Variants in NELL2 observed in about 807,000 individuals in gnomAD.
The protein encoded by NELL2 is protein kinase C-binding protein NELL2.
Under a neutral mutation model 109.6 loss-of-function variants are expected in NELL2, and 41 were observed. That is an observed-to-expected ratio of 0.37 (90% CI 0.29 to 0.49). The LOEUF (loss-of-function observed/expected upper bound fraction) is 0.49, where lower values mean the gene tolerates loss of function less well. Ranked by LOEUF, NELL2 falls within the 20% of genes least tolerant of loss-of-function variation. NELL2 has a pLI of 0.98. For missense variants in NELL2, 900 were observed against 1,008.3 expected (o/e 0.89, Z 1.45); for synonymous variants, 355 against 344.7 (o/e 1.03, Z -0.33).
At chr12:44,822,848 A>G (rs952387665) in intron 2 of NELL2, among the ~76,000 whole-genome samples, 1 of 152,190 alleles carries the variant, frequency 6.6e-6, no homozygotes, top group Admixed American at 6.5e-5. Flanking sequence ...GAATGGAGTG[A>G]TGAGTTCATA....
At chr12:44,534,184 AT>A (rs1942203470) in intron 15 of NELL2, among the ~76,000 whole-genome samples, 3 of 152,100 alleles carry the variant, frequency 2.0e-5, no homozygotes, top group Admixed American at 2.0e-4. Flanking sequence ...GTTGAAAGAG[AT>A]AAATTAATGA....
chr12:44,766,610 T>G (rs1941345432), intron 9 of NELL2, among the ~76,000 whole-genome samples: 1 of 152,182 alleles, frequency 6.6e-6, no homozygotes, highest in Admixed American at 6.5e-5. Context: ...AGGTTGAGTG[T>G]TTTTCTTCTC....
intron 1 of NELL2, among the ~76,000 whole-genome samples, chr12:44,897,520 G>A (rs1251385858): frequency 1.3e-5 from 2 of 152,076 alleles, no homozygotes; most frequent in Non-Finnish European, 2.9e-5. Flanking sequence ...CAAGGGGTTG[G>A]GGAACTCCCT....
intron 16 of NELL2, among the ~76,000 whole-genome samples, chr12:44,525,050 A>C (rs959951648): frequency 6.6e-6 from 1 of 152,210 alleles, no homozygotes; most frequent in Non-Finnish European, 1.5e-5. Flanking sequence ...GAAAAACATA[A>C]ACAAACCATA....
intron 13 of NELL2, among the ~76,000 whole-genome samples, chr12:44,626,033 A>C (rs923778988): frequency 3.3e-5 from 5 of 152,138 alleles, no homozygotes; most frequent in African/African-American, 1.2e-4. Context: ...TAACATCTCT[A>C]AAAAATGTTT....
intron 3 of NELL2, among the ~76,000 whole-genome samples, chr12:44,793,805 T>A (rs1300162318): frequency 2.6e-5 from 4 of 152,168 alleles, no homozygotes; most frequent in African/African-American, 7.2e-5. Flanking sequence ...TCAAAAGGAA[T>A]CAATCCATAA....
intron 15 of NELL2, among the ~76,000 whole-genome samples, chr12:44,536,296 T>C (rs750614725): frequency 5.9e-5 from 9 of 152,064 alleles, no homozygotes; most frequent in Admixed American, 1.3e-4. Context: ...GTATATTTTG[T>C]CTATATACAA....
At position 44,649,061 on chromosome 12, in the gene NELL2, C is replaced by T. The variant is rs575248603; in HGVS notation, c.1444+16423G>A. Among the ~76,000 whole-genome samples the T allele has an allele frequency of 5.3e-5, 8 of 151,922 alleles. No homozygotes were observed. In the East Asian group the frequency reaches 7.8e-4, roughly 15 times the overall value. On this transcript the variant is annotated intron_variant, in intron 13 of 19. Transcript: ENST00000429094. ...GATTACAGGCTTGAGCCACTGTGCC[C>T]GGCCACAATGCCATCTTACATTTTC...
At chr12:44,541,244 C>A (rs1280559992) in intron 15 of NELL2, among the ~76,000 whole-genome samples, 2 of 91,690 alleles carry the variant, frequency 2.2e-5, no homozygotes, top group Non-Finnish European at 4.2e-5. Context: ...AAGTGAGACT[C>A]CATCTCAAAA....
intron 15 of NELL2, among the ~76,000 whole-genome samples, chr12:44,592,081 C>T (rs1024352908): frequency 6.6e-6 from 1 of 152,126 alleles, no homozygotes; most frequent in Admixed American, 6.6e-5. Context: ...GGTAAAAGCA[C>T]ACATCTGTGG....
chr12:44,724,408 T>C (rs1200259787), intron 9 of NELL2, among the ~76,000 whole-genome samples: 1 of 151,900 alleles, frequency 6.6e-6, no homozygotes, highest in Non-Finnish European at 1.5e-5. Context: ...AGTTGAAATT[T>C]GCAGGATACA....
At chr12:44,599,723 T>C (rs998057845) in intron 15 of NELL2, among the ~76,000 whole-genome samples, 2 of 152,174 alleles carry the variant, frequency 1.3e-5, no homozygotes, top group African/African-American at 4.8e-5. Flanking sequence ...TTCAGTCGTC[T>C]AAAGGAGTCC....
intron 15 of NELL2, among the ~76,000 whole-genome samples, chr12:44,603,976 C>T (rs2136242252): frequency 1.3e-5 from 2 of 152,258 alleles, no homozygotes; most frequent in East Asian, 3.9e-4. Context: ...CATCCAACTC[C>T]AGCAGGCCAA....
At chr12:44,666,615 T>C (rs571363642) in intron 12 of NELL2, among the ~76,000 whole-genome samples, 1 of 152,186 alleles carries the variant, frequency 6.6e-6, no homozygotes, top group Admixed American at 6.5e-5. Flanking sequence ...AAGAAATAAT[T>C]GACATAATCT....
rs113581128 is a variant in NELL2, at chr12:44,885,024, A to G, written c.39-9124T>C. Among the ~76,000 whole-genome samples the G allele has an allele frequency of 6.2e-3, 936 of 152,152 alleles. 23 individuals are homozygous for G. Among genetic ancestry groups the G allele is most frequent in the African/African-American group, 0.022 (892 of 41,424 alleles). ...CTGGGTGTGGTGGCTCCCCCCTGTA[A>G]TCCCAGCACTTTGGGAGGCTGAGGC... On this transcript the variant is annotated intron_variant, in intron 1 of 20. Transcript: ENST00000333837.
At chr12:44,778,995 T>C (rs1941855542) in intron 5 of NELL2, among the ~76,000 whole-genome samples, 1 of 152,202 alleles carries the variant, frequency 6.6e-6, no homozygotes, top group African/African-American at 2.4e-5. Flanking sequence ...ATCGAGCCAC[T>C]TCCATGTTGT....
intron 13 of NELL2, among the ~76,000 whole-genome samples, chr12:44,652,614 G>A (rs1358696651): frequency 6.6e-6 from 1 of 152,068 alleles, no homozygotes; most frequent in Non-Finnish European, 1.5e-5. Context: ...GGGAAAAATG[G>A]GAACTAAAAA....
At chr12:44,720,505 A>G (rs770676833) in intron 9 of NELL2, among the ~76,000 whole-genome samples, 2 of 152,180 alleles carry the variant, frequency 1.3e-5, no homozygotes, top group African/African-American at 2.4e-5. Context: ...CATTTGAAAC[A>G]TCTGAAATGG....
chr12:44,701,221 T>A (rs1477754756), intron 12 of NELL2, among the ~76,000 whole-genome samples: 1 of 152,100 alleles, frequency 6.6e-6, no homozygotes, highest in Non-Finnish European at 1.5e-5. Flanking sequence ...AATATTGTTA[T>A]TTGGAATAAA....
Sources: gnomAD v4.1 joint callset for allele counts (sites outside exome capture counted in the v4.1 genomes callset) on GRCh38, gnomAD v4.1.1 for gene constraint, MANE v1.5 for transcripts, NCBI Gene and HGNC (gene_info 2026-07-23, HGNC 2026-07-21) for gene names.